Variants in AMZ1 observed in about 807,000 individuals in gnomAD.
The protein encoded by AMZ1 is archaemetzincin-1.
A neutral mutation model predicts 29.9 loss-of-function variants in AMZ1; 39 were observed. The observed-to-expected ratio is 1.30, with a 90% CI of 1.01 to 1.70. AMZ1 has a LOEUF of 1.70. Among genes scored for constraint, AMZ1 ranks in the 40% most tolerant of loss-of-function variants. The probability of loss-of-function intolerance (pLI) is 0.00; values close to 1 mark genes in which losing one functional copy is unlikely to be tolerated. For synonymous variants in AMZ1, 458 were observed against 304.0 expected (o/e 1.51, Z -5.27); for missense variants, 1,041 against 680.6 (o/e 1.53, Z -5.89).
chr7:2,713,473 G>A lies in AMZ1; in HGVS notation c.*595G>A, dbSNP rs1248393946. On this transcript the variant is annotated 3_prime_UTR_variant, in exon 7 of 7. Transcript: ENST00000683327. ...CGTCCTGTCTCCTTCCAGGCTGTGG[G>A]CCTGCCCTTCAGTTATTTATAGCTG... The A allele has an allele frequency of 6.5e-6, 1 of 152,748 alleles. No individual in the cohort carries two copies. Among genetic ancestry groups the A allele is most frequent in the African/African-American group, 2.4e-5 (1 of 41,456 alleles). The allele number at this position is 152,748 out of a possible 1,614,324, so 9.5% of individuals were successfully genotyped here. A position where few individuals can be genotyped will look rare whatever the true frequency, so the allele number is the denominator to read the frequency against.
At chr7:2,759,493 G>C (rs1791458763) in intron 4 of AMZ1, among the ~76,000 whole-genome samples, 1 of 152,214 alleles carries the variant, frequency 6.6e-6, no homozygotes. Context: ...AGTTACTACT[G>C]TTTAGGAATA....
upstream of AMZ1, among the ~76,000 whole-genome samples, chr7:2,761,413 A>G (rs1220778387): frequency 1.3e-5 from 2 of 152,226 alleles, no homozygotes; most frequent in African/African-American, 4.8e-5. Context: ...ACTCCCAAGG[A>G]CGGCTGACTT....
upstream of AMZ1, among the ~76,000 whole-genome samples, chr7:2,684,910 C>T (rs891644401): frequency 4.0e-5 from 6 of 150,188 alleles, no homozygotes; most frequent in Non-Finnish European, 7.4e-5. Context: ...GTCTCTGTCG[C>T]CCAGGCTGGA....
At chr7:2,699,900 TG>T (rs759551026) in intron 1 of AMZ1, among the ~76,000 whole-genome samples, 7 of 152,008 alleles carry the variant, frequency 4.6e-5, no homozygotes, top group Admixed American at 6.5e-5. Context: ...TGCCCTTCTG[TG>T]GGGGCCCATG....
rs559970404 is a variant in AMZ1 at position 2,710,890 on chromosome 7, C to T, written c.948+1074C>T. On this transcript the variant is annotated intron_variant, in intron 6 of 6. Coordinates refer to ENST00000683327, the MANE Select transcript of AMZ1 (RefSeq NM_001384743.1). Reference sequence around the variant, plus strand: ...AAGGTTGCTGCTGCCAGCTGTGCCCCGTCAAGGGGCAGCTCTTAGTACCTT... The same window carrying T: ...AAGGTTGCTGCTGCCAGCTGTGCCCTGTCAAGGGGCAGCTCTTAGTACCTT... Among the ~76,000 whole-genome samples, 28 of 152,316 alleles carry T rather than the reference C, an allele frequency of 1.8e-4. No individual in the cohort carries two copies. The East Asian group carries it at 2.3e-3, about 13-fold the overall frequency.
Position 2,737,269 on chromosome 7 carries a change from G to GTTTTTTTTTTT in AMZ1, n.551-27439_551-27438insTTTTTTTTTTT, listed in dbSNP as rs1317020597. Among the ~76,000 whole-genome samples the GTTTTTTTTTTT allele has an allele frequency of 8.1e-4, 31 of 38,126 alleles. 4 individuals are homozygous for GTTTTTTTTTTT. Among genetic ancestry groups the GTTTTTTTTTTT allele is most frequent in the South Asian group, 3.1e-3 (4 of 1,284 alleles). 25.0% of individuals were successfully genotyped at this position (38,126 alleles called of 152,430 possible). ...CATTCAGGAGCTATCTCACAGTTTT[G>GTTTTTTTTTTT]TTTTGTTTTTTTTTTTTTTGTTTTT... On this transcript the variant is annotated intron_variant and non_coding_transcript_variant, in intron 4 of 4. Transcript: ENST00000489665.
At chr7:2,732,319 G>A (rs564051965) in intron 4 of AMZ1, among the ~76,000 whole-genome samples, 1 of 152,292 alleles carries the variant, frequency 6.6e-6, no homozygotes, top group East Asian at 1.9e-4. Flanking sequence ...TGGGAAGTGG[G>A]AGGAATACCT....
At chr7:2,757,128 CCTTT>C (rs1791338634) in intron 4 of AMZ1, among the ~76,000 whole-genome samples, 1 of 115,136 alleles carries the variant, frequency 8.7e-6, no homozygotes, top group Non-Finnish European at 1.8e-5. Context: ...ATCAGGTGGG[CCTTT>C]TTTTTTTTTT....
chr7:2,720,195 A>G (rs940281498), downstream of AMZ1, among the ~76,000 whole-genome samples: 3 of 151,854 alleles, frequency 2.0e-5, no homozygotes, highest in Non-Finnish European at 4.4e-5. Flanking sequence ...CTCTGCTGAC[A>G]TGGACCGGTT....
intron 4 of AMZ1, among the ~76,000 whole-genome samples, chr7:2,727,436 T>A (rs1337251716): frequency 6.6e-6 from 1 of 152,026 alleles, no homozygotes; most frequent in Admixed American, 6.6e-5. Flanking sequence ...GAGTGCAGAG[T>A]GCGATCGCAG....
At chr7:2,681,226 AT>A (rs1562350309) in intron 1 of AMZ1, among the ~76,000 whole-genome samples, 1 of 152,090 alleles carries the variant, frequency 6.6e-6, no homozygotes, top group Non-Finnish European at 1.5e-5. Flanking sequence ...AGCTTTTGTT[AT>A]TCATTATTAT....
chr7:2,704,140 T>A (rs960711094), intron 3 of AMZ1, among the ~76,000 whole-genome samples: 1 of 152,184 alleles, frequency 6.6e-6, no homozygotes, highest in Non-Finnish European at 1.5e-5. Context: ...CTGCCTGCAT[T>A]GGCCTCCCAA....
rs140749105 is a variant in AMZ1 at position 2,690,208 on chromosome 7, T to TGA, written c.-219+1927_-219+1928dup. Among the ~76,000 whole-genome samples the TGA allele has an allele frequency of 7.5e-3, 1,140 of 151,054 alleles. 3 individuals carry two copies. The highest frequency in any genetic ancestry group is 9.9e-3 in the Non-Finnish European group (669 of 67,638). On this transcript the variant is annotated intron_variant, in intron 1 of 6. Coordinates refer to ENST00000683327, the MANE Select transcript of AMZ1 (RefSeq NM_001384743.1). ...AGGTGGCTGTGTTTTTGTGTGTGTGTGAGAGAGAGAGAGAGACAGACAGAC... is the reference window on the plus strand; with the variant it reads ...AGGTGGCTGTGTTTTTGTGTGTGTGTGAGAGAGAGAGAGAGAGACAGACAGAC...
At chr7:2,700,025 C>A (rs1787958386) in intron 1 of AMZ1, among the ~76,000 whole-genome samples, 1 of 152,030 alleles carries the variant, frequency 6.6e-6, no homozygotes, top group East Asian at 1.9e-4. Context: ...TGGGACCCAA[C>A]CTGCTAGAGA....
At chr7:2,709,494 C>T (rs1788609285) in intron 5 of AMZ1, 146 bp from the exon 6 acceptor site, 2 of 1,304,418 alleles carry the variant, frequency 1.5e-6, no homozygotes, top group Admixed American at 2.5e-5. Flanking sequence ...CCTGTGCCGC[C>T]TGGGGCAGGG....
chr7:2,758,274 T>C (rs1440320195), intron 4 of AMZ1, among the ~76,000 whole-genome samples: 1 of 152,238 alleles, frequency 6.6e-6, no homozygotes, highest in Non-Finnish European at 1.5e-5. Context: ...ACTGTAATCC[T>C]AGCACTTTAA....
At chr7:2,696,007 G>C (rs78750298) in intron 1 of AMZ1, among the ~76,000 whole-genome samples, 2 of 105,780 alleles carry the variant, frequency 1.9e-5, no homozygotes, top group African/African-American at 7.3e-5. Flanking sequence ...AAACTGTCTT[G>C]GGGGGGAAAA....
At position 2,726,268 on chromosome 7, in the gene AMZ1, CCA is replaced by C. The variant is rs143940657; in HGVS notation, n.550+16455_550+16456del. ...CGCAATTCTCGAGGCAGGTTGCTGG[CCA>C]CAGTGAGAAGACCTTGGTGGCACGT... On this transcript the variant is annotated intron_variant and non_coding_transcript_variant, in intron 4 of 4. Coordinates refer to the AMZ1 transcript ENST00000489665. Among the ~76,000 whole-genome samples the C allele has an allele frequency of 2.3e-3, 343 of 152,332 alleles. 3 individuals are homozygous for C. Among genetic ancestry groups the C allele is most frequent in the African/African-American group, 8.1e-3 (335 of 41,572 alleles).
At chr7:2,693,820 G>T (rs1787549866) in intron 1 of AMZ1, among the ~76,000 whole-genome samples, 1 of 152,232 alleles carries the variant, frequency 6.6e-6, no homozygotes, top group African/African-American at 2.4e-5. Context: ...CTCCCAAAGT[G>T]CTGAGAATGC....
Sources: allele counts gnomAD v4.1 joint callset (sites outside exome capture counted in the v4.1 genomes callset), GRCh38; gene constraint gnomAD v4.1.1; transcripts MANE v1.5; gene names NCBI Gene and HGNC (gene_info 2026-07-23, HGNC 2026-07-21).